Variants in MBNL2 observed in about 807,000 individuals in gnomAD.
MBNL2 encodes the protein muscleblind-like protein 2.
MBNL2 carries 17 observed loss-of-function variants against 41.9 expected under a neutral mutation model. The observed-to-expected ratio is 0.41, with a 90% CI of 0.28 to 0.61. The LOEUF is 0.61. Among genes scored for constraint, MBNL2 ranks in the 20% least tolerant of loss-of-function variants. The pLI, the probability that MBNL2 is intolerant of heterozygous loss-of-function variation, is 0.35. For missense variants in MBNL2, 336 were observed against 505.6 expected (o/e 0.66, Z 3.22); for synonymous variants, 195 against 182.9 (o/e 1.07, Z -0.53).
intron 2 of MBNL2, among the ~76,000 whole-genome samples, chr13:97,296,608 C>T (rs186557360): frequency 4.5e-4 from 69 of 152,100 alleles, no homozygotes; most frequent in African/African-American, 1.6e-3. Flanking sequence ...AATAGAAGTA[C>T]GGTTTAATAG....
intron 1 of MBNL2, among the ~76,000 whole-genome samples, chr13:97,231,040 A>G (rs2042309386): frequency 6.6e-6 from 1 of 152,218 alleles, no homozygotes; most frequent in South Asian, 2.1e-4. Context: ...TAGAACAGTA[A>G]TTCCAGAGTG....
the MBNL2 span, among the ~76,000 whole-genome samples, chr13:97,196,951 G>A: frequency 6.6e-6 from 1 of 152,124 alleles, no homozygotes; most frequent in Non-Finnish European, 1.5e-5. Context: ...TATTCAGATT[G>A]TTTACATAGA....
At chr13:97,164,147 T>C in the MBNL2 span, among the ~76,000 whole-genome samples, 1 of 152,148 alleles carries the variant, frequency 6.6e-6, no homozygotes, top group Admixed American at 6.5e-5. Context: ...GCCTGGACTA[T>C]AGGTGTGCAC....
the MBNL2 span, among the ~76,000 whole-genome samples, chr13:97,160,854 A>G: frequency 5.9e-5 from 9 of 152,128 alleles, no homozygotes; most frequent in Non-Finnish European, 1.3e-4. Context: ...TTAAACTTAC[A>G]TTTTTCTAAC....
the MBNL2 span, among the ~76,000 whole-genome samples, chr13:97,145,009 T>A: frequency 6.6e-6 from 1 of 152,304 alleles, no homozygotes; most frequent in Admixed American, 6.5e-5. Context: ...AATTTAAATT[T>A]TGTCTGTGTA....
At chr13:97,187,593 T>TAAAAAAA in the MBNL2 span, among the ~76,000 whole-genome samples, 699 of 51,468 alleles carry the variant, frequency 0.014, 129 homozygotes, top group Non-Finnish European at 0.019. Context: ...CTATGCAGCT[T>TAAAAAAA]AAAAAAAAAA....
chr13:97,162,222 C>T, the MBNL2 span, among the ~76,000 whole-genome samples: 1 of 151,756 alleles, frequency 6.6e-6, no homozygotes, highest in Non-Finnish European at 1.5e-5. Context: ...GCCCCACCTC[C>T]AACATTGGGG....
intron 1 of MBNL2, among the ~76,000 whole-genome samples, chr13:97,260,369 G>A (rs897161137): frequency 6.6e-6 from 1 of 152,176 alleles, no homozygotes; most frequent in Admixed American, 6.5e-5. Context: ...CTGTGAGGTG[G>A]GGAGCCATTG....
chr13:97,357,913 T>C (rs937563810), intron 7 of MBNL2, among the ~76,000 whole-genome samples: 18 of 152,212 alleles, frequency 1.2e-4, no homozygotes, highest in Admixed American at 3.3e-4. Flanking sequence ...GCACAAGCCC[T>C]GTAAAATTGT....
intron 6 of MBNL2, 69 bp from the exon 7 acceptor site, chr13:97,357,413 G>A: frequency 7.7e-7 from 1 of 1,299,944 alleles, no homozygotes; most frequent in Non-Finnish European, 1.1e-6. Context: ...TGCAATTGAT[G>A]ATCTCTGTGA....
chr13:97,205,959 T>C, the MBNL2 span, among the ~76,000 whole-genome samples: 9 of 152,230 alleles, frequency 5.9e-5, no homozygotes, highest in African/African-American at 2.2e-4. Flanking sequence ...TTGTAACCCA[T>C]GTGAAGTGCT....
At chr13:97,287,934 G>GTT (rs1397865029) in intron 2 of MBNL2, among the ~76,000 whole-genome samples, 9 of 73,652 alleles carry the variant, frequency 1.2e-4, no homozygotes, top group African/African-American at 3.8e-4. Flanking sequence ...TTTTTGTTTT[G>GTT]TTTTGTTTTT....
chr13:97,258,363 A>G (rs2047957772), intron 1 of MBNL2, among the ~76,000 whole-genome samples: 2 of 152,132 alleles, frequency 1.3e-5, no homozygotes, highest in Admixed American at 1.3e-4. Flanking sequence ...TTGTGGTTTG[A>G]GTCATTGCTC....
At chr13:97,329,786 CAATACATAT>C (rs2060269391) in intron 2 of MBNL2, among the ~76,000 whole-genome samples, 4 of 17,068 alleles carry the variant, frequency 2.3e-4, no homozygotes, top group African/African-American at 4.2e-4. Flanking sequence ...AGGAAACACA[CAATACATAT>C]AATACATACA....
At chr13:97,356,915 A>G in intron 6 of MBNL2, 66 bp downstream of exon 6, 1 of 1,040,928 alleles carries the variant, frequency 9.6e-7, no homozygotes, top group Non-Finnish European at 1.3e-6. Context: ...GATTTGTATT[A>G]CTTGTAAAAT....
chr13:97,271,010 T>C (rs1260606962), intron 1 of MBNL2, among the ~76,000 whole-genome samples: 1 of 152,154 alleles, frequency 6.6e-6, no homozygotes, highest in Non-Finnish European at 1.5e-5. Context: ...GATAACAGTA[T>C]GTTGTACCTG....
intron 2 of MBNL2, among the ~76,000 whole-genome samples, chr13:97,307,397 A>G (rs191998528): frequency 1.8e-4 from 27 of 147,880 alleles, no homozygotes; most frequent in African/African-American, 4.7e-4. Context: ...CATTTTATGG[A>G]AAAAAAAAAA....
chr13:97,155,876 T>C, the MBNL2 span, among the ~76,000 whole-genome samples: 1 of 144,716 alleles, frequency 6.9e-6, no homozygotes, highest in Non-Finnish European at 1.5e-5. Flanking sequence ...TGTGTCTTTA[T>C]AGCAGCATGA....
At chr13:97,185,869 C>T in the MBNL2 span, among the ~76,000 whole-genome samples, 4 of 152,228 alleles carry the variant, frequency 2.6e-5, no homozygotes, top group African/African-American at 7.2e-5. Flanking sequence ...AGGCTCTAGG[C>T]GCTCCATAAA....
Sources: allele counts gnomAD v4.1 joint callset (sites outside exome capture counted in the v4.1 genomes callset), GRCh38; gene constraint gnomAD v4.1.1; transcripts MANE v1.5; gene names NCBI Gene and HGNC (gene_info 2026-07-23, HGNC 2026-07-21).